TRMT1L: variants seen among roughly 807,000 people sequenced by gnomAD.
The protein encoded by TRMT1L is tRNA (guanine(27)-N(2))-dimethyltransferase.
TRMT1L carries 28 observed loss-of-function variants against 81.6 expected under a neutral mutation model. The ratio of observed to expected loss-of-function variants is 0.34; its 90% CI spans 0.25 to 0.47. The LOEUF (loss-of-function observed/expected upper bound fraction) is 0.47, where lower values mean the gene tolerates loss of function less well. Ranked by LOEUF, TRMT1L falls within the 20% of genes least tolerant of loss-of-function variation. TRMT1L has a pLI of 1.00. For synonymous variants in TRMT1L, 301 were observed against 303.2 expected (o/e 0.99, Z 0.07); for missense variants, 739 against 877.1 (o/e 0.84, Z 1.99).
intron 7 of TRMT1L, among the ~76,000 whole-genome samples, chr1:185,141,329 T>C (rs1285305542): frequency 1.3e-5 from 2 of 152,198 alleles, no homozygotes; most frequent in South Asian, 2.1e-4. Context: ...CCAGACCTGA[T>C]CTAAGTTTAC....
At position 185,120,174 on chromosome 1, in the gene TRMT1L, G is replaced by T; in HGVS notation, c.2047C>A (p.Gln683Lys). Residue 683 changes from glutamine (Q) to lysine (K), a missense_variant, in exon 15 of 15, where the codon CAG becomes AAG. Physicochemically the swap from Gln to Lys is moderately conservative, Grantham distance 53. Transcript: ENST00000367506. Reference sequence around the variant, plus strand: ...TACTTTAAAAGGATAGATTTAAACTGCATCAGAGGTGCATCTGTGCGTACA... The same window carrying T: ...TACTTTAAAAGGATAGATTTAAACTTCATCAGAGGTGCATCTGTGCGTACA... ...MGVRTDAPLM[Q>K]FKSILLKYST... 1 of 1,613,864 alleles carries T rather than the reference G, an allele frequency of 6.2e-7. No homozygotes were observed.
At chr1:185,127,635 T>G (rs1652662766) in intron 11 of TRMT1L, among the ~76,000 whole-genome samples, 1 of 151,744 alleles carries the variant, frequency 6.6e-6, no homozygotes. Flanking sequence ...GGCACATGCC[T>G]GTAATCCTGG....
chr1:185,152,517 T>C (rs989051006), intron 1 of TRMT1L, among the ~76,000 whole-genome samples: 6 of 152,246 alleles, frequency 3.9e-5, no homozygotes, highest in African/African-American at 1.4e-4. Context: ...GTTTGAACTT[T>C]ATTCTTCAAA....
At chr1:185,137,347 G>C (rs1652925214) in intron 10 of TRMT1L, 3 of 516,100 alleles carry the variant, frequency 5.8e-6, no homozygotes, top group Non-Finnish European at 1.0e-5. Context: ...AATTAGTTGA[G>C]AGTGGAAACT....
chr1:185,152,186 T>C (rs1653375784), intron 1 of TRMT1L, among the ~76,000 whole-genome samples: 1 of 152,240 alleles, frequency 6.6e-6, no homozygotes, highest in African/African-American at 2.4e-5. Flanking sequence ...AAAATGTTTC[T>C]GTCCTATACA....
intron 1 of TRMT1L, among the ~76,000 whole-genome samples, chr1:185,153,420 G>A (rs550900622): frequency 1.3e-5 from 2 of 152,206 alleles, no homozygotes; most frequent in East Asian, 1.9e-4. Flanking sequence ...AAATGGTAAG[G>A]GGAATCAAGG....
At chr1:185,139,923 A>G in intron 8 of TRMT1L, 50 bp downstream of exon 8, 1 of 1,548,944 alleles carries the variant, frequency 6.5e-7, no homozygotes, top group Non-Finnish European at 8.7e-7. Context: ...CCTCGTCCCC[A>G]AAATTTCAGA....
intron 3 of TRMT1L, among the ~76,000 whole-genome samples, 191 bp from the exon 4 acceptor site, chr1:185,147,437 G>A (rs995671825): frequency 1.3e-5 from 2 of 152,212 alleles, no homozygotes; most frequent in African/African-American, 4.8e-5. Context: ...ATATACATAT[G>A]TATATGTTAT....
At chr1:185,149,786 G>A (rs1410363989) in intron 3 of TRMT1L, among the ~76,000 whole-genome samples, 1 of 152,050 alleles carries the variant, frequency 6.6e-6, no homozygotes, top group Non-Finnish European at 1.5e-5. Context: ...CTTGTTTTCT[G>A]TCCTTCGATT....
intron 4 of TRMT1L, 136 bp from the exon 5 acceptor site, chr1:185,145,704 A>G (rs1210934202): frequency 2.5e-6 from 2 of 787,940 alleles, no homozygotes; most frequent in Non-Finnish European, 3.8e-6. Context: ...GTGACTTTGA[A>G]GTATCTTAAC....
Position 185,156,912 on chromosome 1 carries a change from G to A in TRMT1L, c.-200C>T, listed in dbSNP as rs2273881. On this transcript the variant is annotated 5_prime_UTR_variant, in exon 1 of 15. Coordinates refer to ENST00000367506, the MANE Select transcript of TRMT1L (RefSeq NM_030934.5). ...TAGAAAACAGAAAGCCAGAGGCAGC[G>A]ATTCCAGATGCCCGTCCGCTTCCCT... 0.079 allele frequency: 54,571 copies of A among 691,882 alleles called. 3,183 individuals carry two copies. Among genetic ancestry groups the A allele is most frequent in the East Asian group, 0.26 (8,015 of 30,664 alleles). The allele number at this position is 691,882 out of a possible 1,614,324, so 42.9% of individuals were successfully genotyped here. A position where few individuals can be genotyped will look rare whatever the true frequency, so the allele number is the denominator to read the frequency against.
At position 185,144,029 on chromosome 1, in the gene TRMT1L, G is replaced by A; in HGVS notation, c.656C>T (p.Ala219Val). The change falls in exon 6 of 15, where the codon GCT becomes GTT. Residue 219 changes from alanine (A) to valine (V), a missense_variant and splice_region_variant. Physicochemically the swap from Ala to Val is moderately conservative, Grantham distance 64. Transcript: ENST00000367506. The stretch of plus-strand genomic sequence containing the variant: ...TTCCTTAGGTGGTTTAGCAGTGGAA[G>A]CTAAGATGGAAAAAAGAAAAGATTT... ...KGETKSSYIAASTAKPPKEIL... is the reference protein window; with the variant it reads ...KGETKSSYIAVSTAKPPKEIL... 6.4e-7 allele frequency: 1 copy of A among 1,568,650 alleles called. No individual in the cohort carries two copies. The highest frequency in any genetic ancestry group is 8.6e-7 in the Non-Finnish European group (1 of 1,160,518).
At chr1:185,125,142 T>G (rs758978266) in intron 11 of TRMT1L, 32 bp from the exon 12 acceptor site, 2 of 1,518,784 alleles carry the variant, frequency 1.3e-6, no homozygotes, top group Non-Finnish European at 1.8e-6. Context: ...GAGAACTGGG[T>G]TTGAAAAATG....
At position 185,137,808 on chromosome 1, in the gene TRMT1L, T is replaced by G; in HGVS notation, c.1323-12A>C. On this transcript the variant is annotated splice_polypyrimidine_tract_variant and intron_variant, in intron 9 of 14. Coordinates refer to ENST00000367506, the MANE Select transcript of TRMT1L (RefSeq NM_030934.5). ...ATCGGGCTGCAGCTCTACAATAAATTTTTTCAAGTTATTTTGTGGGCTTAT... is the reference window on the plus strand; with the variant it reads ...ATCGGGCTGCAGCTCTACAATAAATGTTTTCAAGTTATTTTGTGGGCTTAT... 1 of 1,609,714 alleles carries G rather than the reference T, an allele frequency of 6.2e-7. No homozygotes were observed. The highest frequency in any genetic ancestry group is 8.5e-7 in the Non-Finnish European group (1 of 1,178,494).
intron 10 of TRMT1L, 160 bp downstream of exon 10, chr1:185,137,446 A>T: frequency 1.3e-6 from 1 of 761,524 alleles, no homozygotes; most frequent in Non-Finnish European, 2.3e-6. Flanking sequence ...ACTCACACGA[A>T]TGTCTTGTCT....
chr1:185,137,788 G>T lies in TRMT1L; in HGVS notation c.1331C>A (p.Ala444Asp). 1 of 1,611,916 alleles carries T rather than the reference G, an allele frequency of 6.2e-7. No individual in the cohort carries two copies. The highest frequency in any genetic ancestry group is 8.5e-7 in the Non-Finnish European group (1 of 1,179,468). ...IVVAAVARAAARCNKGIEVLF... is the reference protein window; with the variant it reads ...IVVAAVARAADRCNKGIEVLF... ...TACTTCTATGCCTTTGTTGCATCGG[G>T]CTGCAGCTCTACAATAAATTTTTTC... The change falls in exon 10 of 15, where the codon GCC (alanine) becomes GAC (aspartate). Residue 444 changes from alanine to aspartate, a missense_variant. Ala to Asp is a moderately radical substitution (Grantham distance 126, BLOSUM62 -2). Around this residue, in one of 4 missense-constraint regions of TRMT1L, gnomAD observed 331 missense variants for 462.2 expected, o/e 0.72. Transcript: ENST00000367506.
rs867072422 is a variant in TRMT1L at position 185,137,787 on chromosome 1, G to A, written c.1332C>T (p.Ala444=). 1 of 1,611,526 alleles carries A rather than the reference G, an allele frequency of 6.2e-7. No homozygotes were observed. Among genetic ancestry groups the A allele is most frequent in the African/African-American group, 1.3e-5 (1 of 74,824 alleles). The change falls in exon 10 of 15, where the codon GCC becomes GCT. Residue 444 remains alanine (A), a synonymous_variant. Transcript: ENST00000367506. ...IVVAAVARAA[A]RCNKGIEVLF... is the part of the protein sequence containing the mutation. The stretch of plus-strand genomic sequence containing the variant: ...GTACTTCTATGCCTTTGTTGCATCG[G>A]GCTGCAGCTCTACAATAAATTTTTT...
intron 4 of TRMT1L, 85 bp downstream of exon 4, chr1:185,147,097 A>G (rs1653207525): frequency 2.3e-6 from 2 of 871,714 alleles, no homozygotes; most frequent in African/African-American, 1.7e-5. Context: ...CTGAACATAC[A>G]CATTTTAGTT....
At chr1:185,157,046 C>T, upstream of TRMT1L, 1 of 310,866 alleles carries the variant, frequency 3.2e-6, no homozygotes, top group Non-Finnish European at 6.1e-6. Flanking sequence ...GGCCCACCGG[C>T]CAACCACCAA....
Sources: gnomAD v4.1 joint callset for allele counts (sites outside exome capture counted in the v4.1 genomes callset) on GRCh38, gnomAD v4.1.1 for gene constraint, gnomAD v4.1.1 regional missense constraint, MANE v1.5 for transcripts, NCBI Gene and HGNC (gene_info 2026-07-23, HGNC 2026-07-21) for gene names.